MAGI2: variants seen among roughly 807,000 people sequenced by gnomAD.
MAGI2 encodes the protein membrane associated guanylate kinase, WW and PDZ domain containing 2, also known as membrane-associated guanylate kinase, WW and PDZ domain-containing protein 2.
In MAGI2, 35 loss-of-function variants were observed where a neutral mutation model predicts 133.3. That is an observed-to-expected ratio of 0.26 (90% CI 0.20 to 0.35). The LOEUF is 0.35. Ranked by LOEUF, MAGI2 falls within the 10% of genes least tolerant of loss-of-function variation. MAGI2 has a pLI of 1.00. For synonymous variants in MAGI2, 729 were observed against 710.6 expected, an observed-to-expected ratio of 1.03 and a Z score of -0.41; for missense variants, 1,636 against 1,863.4, an observed-to-expected ratio of 0.88 and a Z score of 2.25.
intron 9 of MAGI2, among the ~76,000 whole-genome samples, chr7:78,290,452 T>C (rs1240226502): frequency 1.3e-5 from 2 of 152,062 alleles, no homozygotes; most frequent in Non-Finnish European, 2.9e-5. Context: ...TAAAGCAAGT[T>C]CTTAGAGACC....
In MAGI2 at chr7:78,194,825, G is replaced by A. The variant is rs1036127023; in HGVS notation, c.2269+49C>T. On this transcript the variant is annotated intron_variant, in intron 12 of 21. Coordinates refer to ENST00000354212, the MANE Select transcript of MAGI2 (RefSeq NM_012301.4). ...TCAGCCTCAATATATCTCCTGGCAG[G>A]GCCTCAGCTATTATTAATGTACCCT... 10 of 1,416,262 alleles carry A rather than the reference G, an allele frequency of 7.1e-6. No individual in the cohort carries two copies. The African/African-American group carries it at 1.0e-4, about 14-fold the overall frequency. 87.7% of individuals were successfully genotyped at this position (1,416,262 alleles called of 1,614,324 possible). A position where few individuals can be genotyped will look rare whatever the true frequency, so the allele number is the denominator to read the frequency against.
intron 1 of MAGI2, among the ~76,000 whole-genome samples, chr7:79,273,374 G>C (rs1485888861): frequency 6.6e-6 from 1 of 151,914 alleles, no homozygotes; most frequent in Non-Finnish European, 1.5e-5. Context: ...CCATGTTCCA[G>C]GAAACAATTT....
chr7:78,506,913 G>C (rs1030236824), intron 4 of MAGI2, among the ~76,000 whole-genome samples: 1 of 152,170 alleles, frequency 6.6e-6, no homozygotes, highest in Non-Finnish European at 1.5e-5. Flanking sequence ...AGAAATGTAG[G>C]ACATCTCTTA....
chr7:78,932,467 T>C lies in MAGI2; in HGVS notation c.418+74623A>G, dbSNP rs560003078. Among the ~76,000 whole-genome samples the C allele has an allele frequency of 1.1e-4, 16 of 151,838 alleles. No homozygotes were observed. In the South Asian group the frequency reaches 1.7e-3, roughly 16 times the overall value. On this transcript the variant is annotated intron_variant, in intron 2 of 21. Coordinates refer to ENST00000354212, the MANE Select transcript of MAGI2 (RefSeq NM_012301.4). ...CCTAAAGAAAGAGAAAGATAAATCA[T>C]TGAAGTTCTGTACTGAAGGTAAAGA...
chr7:79,368,111 G>A (rs1842838505), intron 1 of MAGI2, among the ~76,000 whole-genome samples: 1 of 151,862 alleles, frequency 6.6e-6, no homozygotes, highest in African/African-American at 2.4e-5. Context: ...AGATGACTGA[G>A]CACTATATAC....
Position 78,429,574 on chromosome 7 carries a change from A to T in MAGI2, c.1045+60187T>A, listed in dbSNP as rs73370241. Among the ~76,000 whole-genome samples, 869 of 152,244 alleles carry T rather than the reference A, an allele frequency of 5.7e-3. 13 individuals carry two copies. Among genetic ancestry groups the T allele is most frequent in the African/African-American group, 0.02 (818 of 41,562 alleles). Reference sequence around the variant, plus strand: ...ACACCACACAATTTAAAAAGATAGAATAAATATGTACCTTTTTTCTCTAAC... The same window carrying T: ...ACACCACACAATTTAAAAAGATAGATTAAATATGTACCTTTTTTCTCTAAC... On this transcript the variant is annotated intron_variant, in intron 6 of 21. Coordinates refer to ENST00000354212, the MANE Select transcript of MAGI2 (RefSeq NM_012301.4).
intron 2 of MAGI2, among the ~76,000 whole-genome samples, chr7:78,859,156 T>C (rs1793932776): frequency 1.3e-5 from 2 of 152,196 alleles, no homozygotes; most frequent in Admixed American, 6.5e-5. Flanking sequence ...ATGGGTCTCC[T>C]GAATACAGCA....
chr7:78,832,437 A>G (rs572834299), intron 2 of MAGI2, among the ~76,000 whole-genome samples: 16 of 152,340 alleles, frequency 1.1e-4, no homozygotes, highest in African/African-American at 3.8e-4. Flanking sequence ...AAAATGCATG[A>G]AAATAATTCA....
intron 2 of MAGI2, among the ~76,000 whole-genome samples, chr7:78,976,620 G>T (rs149795428): frequency 1.1e-3 from 162 of 148,896 alleles, no homozygotes; most frequent in African/African-American, 3.7e-3. Context: ...ATGAGAAAAA[G>T]AATTAAAAGC....
At chr7:79,128,544 G>A (rs1174510029) in intron 1 of MAGI2, among the ~76,000 whole-genome samples, 3 of 151,972 alleles carry the variant, frequency 2.0e-5, no homozygotes, top group Non-Finnish European at 2.9e-5. Flanking sequence ...AATATGAATT[G>A]AATTACAAAT....
intron 2 of MAGI2, among the ~76,000 whole-genome samples, chr7:78,728,785 T>A (rs1292499162): frequency 1.6e-5 from 2 of 126,578 alleles, no homozygotes; most frequent in Non-Finnish European, 3.5e-5. Context: ...CGGGATGGTC[T>A]CGATCTCCTG....
intron 2 of MAGI2, among the ~76,000 whole-genome samples, chr7:78,708,416 G>T (rs1818861831): frequency 6.6e-6 from 1 of 152,074 alleles, no homozygotes; most frequent in African/African-American, 2.4e-5. Flanking sequence ...ATAATTCAGA[G>T]CCTTTTCTGA....
intron 1 of MAGI2, among the ~76,000 whole-genome samples, chr7:79,148,097 G>A (rs761606172): frequency 7.2e-5 from 11 of 152,118 alleles, no homozygotes; most frequent in Non-Finnish European, 1.5e-4. Flanking sequence ...GTGGCCCATC[G>A]AAGCCCAGCT....
intron 2 of MAGI2, among the ~76,000 whole-genome samples, chr7:78,919,511 T>C (rs1799065309): frequency 6.6e-6 from 1 of 152,136 alleles, no homozygotes; most frequent in African/African-American, 2.4e-5. Context: ...AATAGCATAA[T>C]AGCATTTCAA....
intron 1 of MAGI2, among the ~76,000 whole-genome samples, chr7:79,170,701 T>C (rs1387938295): frequency 6.6e-6 from 1 of 152,100 alleles, no homozygotes; most frequent in Non-Finnish European, 1.5e-5. Flanking sequence ...AGAATAATCA[T>C]GAATGTAAAA....
At chr7:78,539,046 A>G (rs894652923) in intron 3 of MAGI2, among the ~76,000 whole-genome samples, 1 of 152,242 alleles carries the variant, frequency 6.6e-6, no homozygotes, top group Non-Finnish European at 1.5e-5. Flanking sequence ...ATGGCTAGCC[A>G]GTACTATGTT....
In MAGI2 at chr7:79,116,188, A is replaced by G. The variant is rs116207580; in HGVS notation, c.302-108982T>C. On this transcript the variant is annotated intron_variant, in intron 1 of 21. Coordinates refer to ENST00000354212, the MANE Select transcript of MAGI2 (RefSeq NM_012301.4). Reference sequence around the variant, plus strand: ...AGTAATCATTTGATTCTCCTCAACTATTTGGAAATAGATATTCAGCTTCTC... The same window carrying G: ...AGTAATCATTTGATTCTCCTCAACTGTTTGGAAATAGATATTCAGCTTCTC... Among the ~76,000 whole-genome samples the G allele has an allele frequency of 3.6e-3, 551 of 152,250 alleles. 2 individuals carry two copies. The highest frequency in any genetic ancestry group is 0.012 in the African/African-American group (516 of 41,548).
intron 1 of MAGI2, among the ~76,000 whole-genome samples, chr7:79,440,284 G>A (rs911718388): frequency 2.0e-5 from 3 of 151,872 alleles, no homozygotes; most frequent in Non-Finnish European, 2.9e-5. Context: ...GCACTCCTGG[G>A]TCAATAGCAA....
chr7:78,308,673 C>T lies in MAGI2; in HGVS notation c.1408+35105G>A, dbSNP rs1401626395. On this transcript the variant is annotated intron_variant, in intron 9 of 21. Transcript: ENST00000354212. The stretch of plus-strand genomic sequence containing the variant: ...ATTACTATATTCACACTGAAGTCCA[C>T]GAGAATCTCAGAGACAGGTAGGTAG... Among the ~76,000 whole-genome samples, 6 of 152,146 alleles carry T rather than the reference C, an allele frequency of 3.9e-5. No individual in the cohort carries two copies. The South Asian group carries it at 6.2e-4, about 16-fold the overall frequency.
Sources: gnomAD v4.1 joint callset for allele counts (sites outside exome capture counted in the v4.1 genomes callset) on GRCh38, gnomAD v4.1.1 for gene constraint, MANE v1.5 for transcripts, NCBI Gene and HGNC (gene_info 2026-07-23, HGNC 2026-07-21) for gene names.